RANBP2: variants seen among roughly 807,000 people sequenced by gnomAD.
RANBP2 encodes E3 SUMO-protein ligase RanBP2.
RANBP2 carries 57 observed loss-of-function variants against 303.6 expected under a neutral mutation model. The ratio of observed to expected loss-of-function variants is 0.19; its 90% CI spans 0.15 to 0.23. The LOEUF is 0.23. RANBP2 is among the 10% of genes least tolerant of loss of function. RANBP2 has a pLI of 1.00. For missense variants in RANBP2, 3,138 were observed against 3,780.8 expected, an observed-to-expected ratio of 0.83 and a Z score of 4.46; for synonymous variants, 1,167 against 1,301.5, an observed-to-expected ratio of 0.90 and a Z score of 2.23.
At chr2:109,080,965 C>T in the RANBP2 span, among the ~76,000 whole-genome samples, 2 of 152,174 alleles carry the variant, frequency 1.3e-5, no homozygotes, top group Admixed American at 1.3e-4. Context: ...GCCACTGACA[C>T]AACATTCAAA....
the RANBP2 span, among the ~76,000 whole-genome samples, chr2:109,518,915 C>CTTTTTTTT: frequency 2.8e-3 from 314 of 110,976 alleles, 6 homozygotes; most frequent in African/African-American, 0.012. Context: ...TGCTACATAT[C>CTTTTTTTT]TTTTTTTTTT....
the RANBP2 span, among the ~76,000 whole-genome samples, chr2:109,052,985 G>A: frequency 1.3e-5 from 2 of 152,198 alleles, no homozygotes; most frequent in African/African-American, 4.8e-5. Flanking sequence ...GATGGGCATG[G>A]GGCGTCCCTT....
chr2:108,748,353 G>A (rs56082254), intron 8 of RANBP2, among the ~76,000 whole-genome samples: 6,576 of 150,160 alleles, frequency 0.044, 206 homozygotes, highest in Non-Finnish European at 0.069. Flanking sequence ...GACTACAGGC[G>A]CCAGCCACCA....
the RANBP2 span, among the ~76,000 whole-genome samples, chr2:109,224,270 A>G: frequency 2.0e-5 from 3 of 152,240 alleles, no homozygotes; most frequent in African/African-American, 7.2e-5. Context: ...CAAGCATAGT[A>G]AAATAAGACT....
chr2:109,263,257 A>C, the RANBP2 span, among the ~76,000 whole-genome samples: 3 of 152,214 alleles, frequency 2.0e-5, no homozygotes, highest in African/African-American at 7.2e-5. Context: ...ATGTTGGTTT[A>C]AATTATTATC....
At chr2:109,295,048 C>T in the RANBP2 span, among the ~76,000 whole-genome samples, 1 of 152,258 alleles carries the variant, frequency 6.6e-6, no homozygotes, top group African/African-American at 2.4e-5. Flanking sequence ...AGGATCCCTG[C>T]AGGAAATGCC....
the RANBP2 span, among the ~76,000 whole-genome samples, chr2:109,376,233 C>A: frequency 2.0e-5 from 3 of 152,248 alleles, no homozygotes; most frequent in South Asian, 2.1e-4. Flanking sequence ...GAAGGCAGGG[C>A]AGTTTCCTGC....
At chr2:109,456,932 C>T in the RANBP2 span, among the ~76,000 whole-genome samples, 2 of 152,222 alleles carry the variant, frequency 1.3e-5, no homozygotes, top group African/African-American at 4.8e-5. Context: ...GGAAGGAGCA[C>T]AGTCATCTCA....
chr2:109,748,517 CTCT>C, the RANBP2 span, among the ~76,000 whole-genome samples: 1 of 96,420 alleles, frequency 1.0e-5, no homozygotes, highest in Non-Finnish European at 2.2e-5. Context: ...TATTGCATAA[CTCT>C]TCAATTTTCT....
chr2:108,817,474 G>C, the RANBP2 span, among the ~76,000 whole-genome samples: 1 of 151,942 alleles, frequency 6.6e-6, no homozygotes, highest in Non-Finnish European at 1.5e-5. Flanking sequence ...TGTATTTTTA[G>C]TAGAGACGGG....
chr2:108,772,885 A>G lies in RANBP2; in HGVS notation c.8131A>G (p.Ile2711Val), dbSNP rs1677608229. ...ENTADNEKEC[I>V]IVWEKKPTVE... ...TTTTTCAGATAATGAGAAAGAATGTATTATTGTTTGGGAAAAGAAACCAAC... is the reference window on the plus strand; with the variant it reads ...TTTTTCAGATAATGAGAAAGAATGTGTTATTGTTTGGGAAAAGAAACCAAC... The change falls in exon 23 of 29, where the codon ATT (isoleucine) becomes GTT (valine). Residue 2711 changes from isoleucine to valine, a missense_variant. Coordinates refer to ENST00000283195, the MANE Select transcript of RANBP2 (RefSeq NM_006267.5). 1.9e-6 allele frequency: 3 copies of G among 1,613,838 alleles called. No individual in the cohort carries two copies. Among genetic ancestry groups the G allele is most frequent in the East Asian group, 2.2e-5 (1 of 44,854 alleles).
the RANBP2 span, among the ~76,000 whole-genome samples, chr2:109,406,407 C>T: frequency 0.049 from 7,451 of 152,146 alleles, 335 homozygotes; most frequent in African/African-American, 0.11. Flanking sequence ...TGCCCAGGTC[C>T]ATCACTGAGA....
At chr2:109,129,436 C>T in the RANBP2 span, 5 of 1,485,756 alleles carry the variant, frequency 3.4e-6, no homozygotes, top group Non-Finnish European at 4.5e-6. Flanking sequence ...AAGAAAGTCA[C>T]GGCGGAGCCC....
the RANBP2 span, among the ~76,000 whole-genome samples, chr2:109,291,942 C>T: frequency 6.6e-6 from 1 of 152,260 alleles, no homozygotes; most frequent in East Asian, 1.9e-4. Context: ...CGGCTCACCA[C>T]AAGCCCTGCC....
the RANBP2 span, chr2:109,432,407 G>C: frequency 6.6e-7 from 1 of 1,508,412 alleles, no homozygotes; most frequent in Non-Finnish European, 9.0e-7. Context: ...TTTAGGTTGG[G>C]TTCCTCCAAA....
At chr2:109,119,940 T>C in the RANBP2 span, among the ~76,000 whole-genome samples, 2 of 152,242 alleles carry the variant, frequency 1.3e-5, no homozygotes, top group Non-Finnish European at 2.9e-5. Context: ...AATTGAATGA[T>C]GTATCCCATG....
At chr2:109,726,226 T>C in the RANBP2 span, among the ~76,000 whole-genome samples, 21 of 151,812 alleles carry the variant, frequency 1.4e-4, no homozygotes, top group East Asian at 2.6e-3. Flanking sequence ...CCGGCCAACA[T>C]AGCAAAACCC....
chr2:109,642,155 T>A, the RANBP2 span, among the ~76,000 whole-genome samples: 1 of 152,142 alleles, frequency 6.6e-6, no homozygotes, highest in African/African-American at 2.4e-5. Flanking sequence ...CTCGAACTCC[T>A]GACCGTGTTA....
the RANBP2 span, among the ~76,000 whole-genome samples, chr2:109,336,611 T>C: frequency 2.0e-5 from 3 of 152,206 alleles, no homozygotes; most frequent in Non-Finnish European, 4.4e-5. Flanking sequence ...TTGAGGCAAA[T>C]GCTCTTTGCA....
Sources: allele counts gnomAD v4.1 joint callset (sites outside exome capture counted in the v4.1 genomes callset), GRCh38; gene constraint gnomAD v4.1.1; transcripts MANE v1.5; gene names NCBI Gene and HGNC (gene_info 2026-07-23, HGNC 2026-07-21).